The following PSAT1 variants were observed in gnomAD, a reference collection of about 807,000 sequenced individuals.
PSAT1 encodes phosphoserine aminotransferase 1, also known as phosphoserine aminotransferase.
Under a neutral mutation model 40.3 loss-of-function variants are expected in PSAT1, and 41 were observed. The ratio of observed to expected loss-of-function variants is 1.02; its 90% CI spans 0.79 to 1.32. The LOEUF (loss-of-function observed/expected upper bound fraction) is 1.32. Ranked by LOEUF, PSAT1 falls within the 40% of genes most tolerant of loss-of-function variation. PSAT1 has a pLI of 0.00. For synonymous variants in PSAT1, 147 were observed against 170.5 expected, an observed-to-expected ratio of 0.86 and a Z score of 1.07; for missense variants, 406 against 455.8, an observed-to-expected ratio of 0.89 and a Z score of 0.99.
Position 78,329,096 on chromosome 9 carries a change from A to G in PSAT1, c.*10A>G, listed in dbSNP as rs1260941235. On this transcript the variant is annotated 3_prime_UTR_variant, in exon 9 of 9. Transcript: ENST00000376588. ...GATGCATCAGCTATGAACACATCCT[A>G]ACCAGGATATACTCTGTTCTTGAAC... 6.4e-7 allele frequency: 1 copy of G among 1,572,718 alleles called. No individual in the cohort carries two copies. Among genetic ancestry groups the G allele is most frequent in the East Asian group, 2.2e-5 (1 of 44,692 alleles).
intron 5 of PSAT1, among the ~76,000 whole-genome samples, chr9:78,307,894 A>C: frequency 6.6e-6 from 1 of 151,886 alleles, no homozygotes; most frequent in South Asian, 2.1e-4. Flanking sequence ...ACAAAAATTC[A>C]CTGGGCATGG....
In PSAT1 at chr9:78,306,323, A is replaced by C. The variant is rs2118643144; in HGVS notation, c.407A>C (p.Asp136Ala). Residue 136 changes from aspartate to alanine, a missense_variant, in exon 5 of 9, where the codon GAT becomes GCT. Asp to Ala is a moderately radical substitution (Grantham distance 126, BLOSUM62 -2). Coordinates refer to ENST00000376588, the MANE Select transcript of PSAT1 (RefSeq NM_058179.4). ...PKLGSYTKIPDPSTWNLNPDA... is the reference protein window; with the variant it reads ...PKLGSYTKIPAPSTWNLNPDA... ...TTGTCTTCTGTGATAGAAATTCCAG[A>C]TCCAAGCACCTGGAACCTCAACCCA... is the stretch of plus-strand genomic sequence containing the variant. 1.2e-6 allele frequency: 2 copies of C among 1,612,176 alleles called. No homozygotes were observed. The highest frequency in any genetic ancestry group is 1.7e-6 in the Non-Finnish European group (2 of 1,179,888).
intron 7 of PSAT1, among the ~76,000 whole-genome samples, chr9:78,325,305 C>G (rs72745652): frequency 6.6e-6 from 1 of 152,166 alleles, no homozygotes; most frequent in African/African-American, 2.4e-5. Context: ...TCTTCACCCC[C>G]CAGTCTCTCC....
chr9:78,313,400 A>G (rs1219535198), intron 6 of PSAT1, among the ~76,000 whole-genome samples: 2 of 152,160 alleles, frequency 1.3e-5, no homozygotes, highest in Non-Finnish European at 1.5e-5. Context: ...AAACAGTAAC[A>G]TACTCTTAGC....
intron 6 of PSAT1, among the ~76,000 whole-genome samples, chr9:78,310,855 G>C (rs1199976782): frequency 6.6e-6 from 1 of 152,098 alleles, no homozygotes; most frequent in Non-Finnish European, 1.5e-5. Flanking sequence ...TGATCCACCT[G>C]CCTCGGCCTC....
chr9:78,312,696 C>T (rs1291011933), intron 6 of PSAT1, among the ~76,000 whole-genome samples: 2 of 151,866 alleles, frequency 1.3e-5, no homozygotes, highest in Admixed American at 6.6e-5. Context: ...AACTCCATCT[C>T]AAAAATAATA....
At chr9:78,303,943 T>G (rs749004190) in intron 3 of PSAT1, among the ~76,000 whole-genome samples, 1 of 152,184 alleles carries the variant, frequency 6.6e-6, no homozygotes, top group Non-Finnish European at 1.5e-5. Flanking sequence ...GCCATTCTCA[T>G]CATTATCTTA....
intron 6 of PSAT1, among the ~76,000 whole-genome samples, chr9:78,312,011 A>G (rs1203547045): frequency 6.6e-6 from 1 of 151,510 alleles, no homozygotes. Context: ...TGTATCACAT[A>G]GTAGAGTTCT....
chr9:78,329,054 A>C lies in PSAT1; in HGVS notation c.1081A>C (p.Met361Leu), dbSNP rs764651835. Residue 361 changes from methionine (M) to leucine (L), a missense_variant, in exon 9 of 9, where the codon ATG (methionine) becomes CTG (leucine). By Grantham distance (15) the Met-to-Leu change is conservative. Coordinates refer to ENST00000376588, the MANE Select transcript of PSAT1 (RefSeq NM_058179.4). ...AGACGTTCAGAAGCTGGCCGCCTTCATGAAAAAATTTTTGGAGATGCATCA... is the reference window on the plus strand; with the variant it reads ...AGACGTTCAGAAGCTGGCCGCCTTCCTGAAAAAATTTTTGGAGATGCATCA... ...IEDVQKLAAFMKKFLEMHQL is the reference protein window; with the variant it reads ...IEDVQKLAAFLKKFLEMHQL 5.0e-6 allele frequency: 8 copies of C among 1,612,724 alleles called. No individual in the cohort carries two copies. The South Asian group carries it at 8.8e-5, about 18-fold the overall frequency.
chr9:78,300,503 T>C lies in PSAT1; in HGVS notation c.61-99T>C, dbSNP rs1828091247. The C allele has an allele frequency of 2.0e-6, 3 of 1,472,626 alleles. No individual in the cohort carries two copies. In the East Asian group the frequency reaches 7.6e-5, roughly 38 times the overall value. 91.2% of individuals were successfully genotyped at this position (1,472,626 alleles called of 1,614,324 possible). A position where few individuals can be genotyped will look rare whatever the true frequency, so the allele number is the denominator to read the frequency against. ...GGGGATGGAAGCCTGGGGACCTCACTGTAGACCCTTCCTTGTCCCCTCGTC... is the reference window on the plus strand; with the variant it reads ...GGGGATGGAAGCCTGGGGACCTCACCGTAGACCCTTCCTTGTCCCCTCGTC... On this transcript the variant is annotated intron_variant, in intron 1 of 8. Coordinates refer to ENST00000376588, the MANE Select transcript of PSAT1 (RefSeq NM_058179.4).
chr9:78,313,103 C>A (rs11137600), intron 6 of PSAT1, among the ~76,000 whole-genome samples: 2 of 151,922 alleles, frequency 1.3e-5, no homozygotes, highest in East Asian at 3.9e-4. Context: ...TGGTGGCTCA[C>A]GCCTGTAATC....
At position 78,328,169 on chromosome 9, in the gene PSAT1, T is replaced by G. The variant is rs1294676184; in HGVS notation, c.988T>G (p.Leu330Val). 3 of 1,613,860 alleles carry G rather than the reference T, an allele frequency of 1.9e-6. No individual in the cohort carries two copies. Among genetic ancestry groups the G allele is most frequent in the Non-Finnish European group, 2.5e-6 (3 of 1,180,028 alleles). Residue 330 changes from leucine (L) to valine (V), a missense_variant, in exon 8 of 9, where the codon TTG becomes GTG. Coordinates refer to ENST00000376588, the MANE Select transcript of PSAT1 (RefSeq NM_058179.4). ...TGATAAAGCTCTTGAACTCAATATG[T>G]TGTCCTTGAAAGGGCATAGGTGAGT... ...FLDKALELNM[L>V]SLKGHRSVGG...
chr9:78,308,902 C>CTGAG (rs1828225766), intron 6 of PSAT1, among the ~76,000 whole-genome samples: 1 of 152,080 alleles, frequency 6.6e-6, no homozygotes, highest in African/African-American at 2.4e-5. Context: ...TTGCAGTGAG[C>CTGAG]CGAGATGGCA....
In PSAT1 at chr9:78,329,584, C is replaced by T. The variant is rs573775683; in HGVS notation, c.*498C>T. On this transcript the variant is annotated 3_prime_UTR_variant, in exon 9 of 9. Coordinates refer to ENST00000376588, the MANE Select transcript of PSAT1 (RefSeq NM_058179.4). ...GCCAGGCGAAGGGCAAACTGTAGAT[C>T]GATCTTTATGCTGTTATTACAGGAG... The T allele has an allele frequency of 2.8e-4, 48 of 172,204 alleles. No individual in the cohort carries two copies. The highest frequency in any genetic ancestry group is 5.5e-4 in the Non-Finnish European group (44 of 79,770). 10.7% of individuals were successfully genotyped at this position (172,204 alleles called of 1,614,324 possible).
intron 7 of PSAT1, among the ~76,000 whole-genome samples, chr9:78,326,246 A>T (rs1175975634): frequency 6.6e-6 from 1 of 152,128 alleles, no homozygotes; most frequent in African/African-American, 2.4e-5. Flanking sequence ...AATGAATTCC[A>T]CCCGTAGAAG....
intron 7 of PSAT1, among the ~76,000 whole-genome samples, chr9:78,324,346 C>T (rs1257140455): frequency 6.6e-6 from 1 of 152,156 alleles, no homozygotes; most frequent in Non-Finnish European, 1.5e-5. Context: ...TCGTGCTCCA[C>T]CAAGATGTTG....
chr9:78,315,097 G>T (rs772534170), intron 6 of PSAT1, among the ~76,000 whole-genome samples: 15 of 152,164 alleles, frequency 9.9e-5, no homozygotes, highest in Non-Finnish European at 4.4e-5. Context: ...TGTCTGGAAT[G>T]CACACCCACG....
In PSAT1 at chr9:78,308,289, G is replaced by A. The variant is rs566931212; in HGVS notation, c.571-125G>A. 5 of 1,097,218 alleles carry A rather than the reference G, an allele frequency of 4.6e-6. No homozygotes were observed. The South Asian group carries it at 6.6e-5, about 15-fold the overall frequency. The allele number at this position is 1,097,218 out of a possible 1,614,324, so 68.0% of individuals were successfully genotyped here. On this transcript the variant is annotated intron_variant, in intron 5 of 8. Coordinates refer to ENST00000376588, the MANE Select transcript of PSAT1 (RefSeq NM_058179.4). The stretch of plus-strand genomic sequence containing the variant: ...TGGAGATTGCTTTAGAGCATGAACT[G>A]CTCCCTACACAGGATAGAGTCATTT...
In PSAT1 at chr9:78,326,494, T is replaced by C. The variant is rs573532952; in HGVS notation, c.870-1557T>C. 9.9e-5 allele frequency among the ~76,000 whole-genome samples: 15 copies of C among 152,264 alleles called. No homozygotes were observed. The South Asian group carries it at 1.2e-3, about 13-fold the overall frequency. ...TTTTTGAGAGTCGATATGTACCTTATGCAAAGTGCTGGGAATAAAAAGATG... is the reference window on the plus strand; with the variant it reads ...TTTTTGAGAGTCGATATGTACCTTACGCAAAGTGCTGGGAATAAAAAGATG... On this transcript the variant is annotated intron_variant, in intron 7 of 8. Transcript: ENST00000376588.
Sources: gnomAD v4.1 joint callset for allele counts (sites outside exome capture counted in the v4.1 genomes callset) on GRCh38, gnomAD v4.1.1 for gene constraint, MANE v1.5 for transcripts, NCBI Gene and HGNC (gene_info 2026-07-23, HGNC 2026-07-21) for gene names.